Variants in ATP6V1G1 observed in about 807,000 individuals in gnomAD.
ATP6V1G1 encodes the protein V-type proton ATPase subunit G 1.
In ATP6V1G1, 14 loss-of-function variants were observed where a neutral mutation model predicts 14.2. That is an observed-to-expected ratio of 0.99 (90% CI 0.65 to 1.55). The LOEUF (loss-of-function observed/expected upper bound fraction) is 1.55, where lower values mean the gene tolerates loss of function less well. Ranked by LOEUF, ATP6V1G1 falls within the 40% of genes most tolerant of loss-of-function variation. The pLI, the probability that ATP6V1G1 is intolerant of heterozygous loss-of-function variation, is 0.00. For synonymous variants in ATP6V1G1, 65 were observed against 53.3 expected, an observed-to-expected ratio of 1.22 and a Z score of -0.96; for missense variants, 137 against 146.4, an observed-to-expected ratio of 0.94 and a Z score of 0.33.
intron 2 of ATP6V1G1, among the ~76,000 whole-genome samples, chr9:114,597,059 T>G (rs1030004400): frequency 6.7e-6 from 1 of 149,512 alleles, no homozygotes; most frequent in African/African-American, 2.5e-5. Flanking sequence ...GGCGCGATCT[T>G]GGCTCACTGC....
Position 114,597,825 on chromosome 9 carries a change from T to G in ATP6V1G1, c.*82T>G. ...GCTTAGCACAGCTCTAGTTACATTC[T>G]TATGATATGGCATTAAATTATTTCC... is the stretch of plus-strand genomic sequence containing the variant. On this transcript the variant is annotated 3_prime_UTR_variant, in exon 3 of 3. Coordinates refer to ENST00000374050, the MANE Select transcript of ATP6V1G1 (RefSeq NM_004888.4). 8.0e-7 allele frequency: 1 copy of G among 1,247,072 alleles called. No homozygotes were observed. The highest frequency in any genetic ancestry group is 1.0e-6 in the Non-Finnish European group (1 of 959,400). 77.3% of individuals were successfully genotyped at this position (1,247,072 alleles called of 1,614,324 possible).
chr9:114,594,219 G>A (rs1266284046), intron 2 of ATP6V1G1, among the ~76,000 whole-genome samples: 4 of 151,872 alleles, frequency 2.6e-5, no homozygotes, highest in Middle Eastern at 3.2e-3. Flanking sequence ...GCAGGCATGC[G>A]CCACCACATC....
intron 1 of ATP6V1G1, among the ~76,000 whole-genome samples, chr9:114,588,910 A>ATT (rs1163772366): frequency 6.6e-6 from 1 of 152,168 alleles, no homozygotes; most frequent in Non-Finnish European, 1.5e-5. Flanking sequence ...GAAAGCTCAA[A>ATT]TTCCTTAATG....
At chr9:114,588,258 C>T (rs1023463996) in intron 1 of ATP6V1G1, 2 of 280,316 alleles carry the variant, frequency 7.1e-6, no homozygotes, top group African/African-American at 2.2e-5. Flanking sequence ...GTGAAGGGAG[C>T]CAGCATCCAC....
rs1394190960 is a variant in ATP6V1G1 at position 114,598,435 on chromosome 9, T to A, written c.*692T>A. On this transcript the variant is annotated 3_prime_UTR_variant, in exon 3 of 3. Coordinates refer to ENST00000374050, the MANE Select transcript of ATP6V1G1 (RefSeq NM_004888.4). The stretch of plus-strand genomic sequence containing the variant: ...ACAACCAGTGGTTCTTCATTTTTGA[T>A]CATGCGAAATGCATTTTGACCCAGA... The A allele has an allele frequency of 4.6e-5, 7 of 152,726 alleles. No homozygotes were observed. The East Asian group carries it at 1.2e-3, about 25-fold the overall frequency. 9.5% of individuals were successfully genotyped at this position (152,726 alleles called of 1,614,324 possible). A position where few individuals can be genotyped will look rare whatever the true frequency, so the allele number is the denominator to read the frequency against.
At chr9:114,591,154 A>G (rs1307564105) in intron 1 of ATP6V1G1, among the ~76,000 whole-genome samples, 1 of 152,256 alleles carries the variant, frequency 6.6e-6, no homozygotes, top group East Asian at 1.9e-4. Flanking sequence ...GTGAAACAAA[A>G]CACTGGCTCC....
In ATP6V1G1 at chr9:114,598,052, GT is replaced by G. The variant is rs974984464; in HGVS notation, c.*312del. The G allele has an allele frequency of 2.5e-4, 33 of 131,678 alleles. No homozygotes were observed. The highest frequency in any genetic ancestry group is 1.7e-3 in the South Asian group (6 of 3,634). The allele number at this position is 131,678 out of a possible 1,614,324, so 8.2% of individuals were successfully genotyped here. On this transcript the variant is annotated 3_prime_UTR_variant, in exon 3 of 3. Coordinates refer to ENST00000374050, the MANE Select transcript of ATP6V1G1 (RefSeq NM_004888.4). ...GTTGACTTTTTCTTTCTTAGATCTA[GT>G]TTAAAAAAAAAAAAAACCACATAAC...
chr9:114,588,012 C>T (rs1229925145), intron 1 of ATP6V1G1, 92 bp downstream of exon 1: 5 of 1,343,920 alleles, frequency 3.7e-6, no homozygotes, highest in Middle Eastern at 2.2e-4. Flanking sequence ...CGAAAAACTG[C>T]GGGGTGCGGG....
chr9:114,588,510 A>AGTGTGTGTGTGTGT lies in ATP6V1G1; in HGVS notation c.82+607_82+620dup, dbSNP rs66783144. 3.0e-4 allele frequency among the ~76,000 whole-genome samples: 44 copies of AGTGTGTGTGTGTGT among 147,196 alleles called. No individual in the cohort carries two copies. In the East Asian group the frequency reaches 3.6e-3, roughly 12 times the overall value. ...TGTGTTTCTAACATGTGGCAAGCGC[A>AGTGTGTGTGTGTGT]GTGTGTGTGTGTGTGTGTGTGTGTG... On this transcript the variant is annotated intron_variant, in intron 1 of 2. Coordinates refer to ENST00000374050, the MANE Select transcript of ATP6V1G1 (RefSeq NM_004888.4).
chr9:114,591,023 T>C (rs1025014396), intron 1 of ATP6V1G1, among the ~76,000 whole-genome samples: 3 of 151,924 alleles, frequency 2.0e-5, no homozygotes, highest in African/African-American at 7.3e-5. Flanking sequence ...CTCGAACTCC[T>C]GACCTTGTGA....
chr9:114,597,926 C>G lies in ATP6V1G1; in HGVS notation c.*183C>G. On this transcript the variant is annotated 3_prime_UTR_variant, in exon 3 of 3. Coordinates refer to ENST00000374050, the MANE Select transcript of ATP6V1G1 (RefSeq NM_004888.4). ...TTTTTTGTACAGACTTAGAAATTATCTAAAGATTTCATCTTTTTACCTCAT... is the reference window on the plus strand; with the variant it reads ...TTTTTTGTACAGACTTAGAAATTATGTAAAGATTTCATCTTTTTACCTCAT... 2.2e-6 allele frequency: 1 copy of G among 448,286 alleles called. No individual in the cohort carries two copies. Among genetic ancestry groups the G allele is most frequent in the Non-Finnish European group, 3.6e-6 (1 of 279,100 alleles). The allele number at this position is 448,286 out of a possible 1,614,324, so 27.8% of individuals were successfully genotyped here. A position where few individuals can be genotyped will look rare whatever the true frequency, so the allele number is the denominator to read the frequency against.
intron 2 of ATP6V1G1, among the ~76,000 whole-genome samples, chr9:114,595,747 C>T (rs1442433389): frequency 1.3e-5 from 2 of 151,998 alleles, no homozygotes; most frequent in African/African-American, 4.8e-5. Context: ...AGTCTGAGGC[C>T]ATCCTGGGCA....
intron 2 of ATP6V1G1, among the ~76,000 whole-genome samples, chr9:114,596,273 A>G (rs1589314155): frequency 6.6e-6 from 1 of 151,940 alleles, no homozygotes; most frequent in African/African-American, 2.4e-5. Flanking sequence ...CTGTAGTCCC[A>G]GCTACTCAGG....
At position 114,597,718 on chromosome 9, in the gene ATP6V1G1, A is replaced by G. The variant is rs1370870312; in HGVS notation, c.332A>G (p.His111Arg). Reference sequence around the variant, plus strand: ...GTCTGTGACATTCGGCCAGAAATCCATGAAAACTACCGCATAAATGGATAG... The same window carrying G: ...GTCTGTGACATTCGGCCAGAAATCCGTGAAAACTACCGCATAAATGGATAG... ...AFVCDIRPEI[H>R]ENYRING The change falls in exon 3 of 3, where the codon CAT (histidine) becomes CGT (arginine). Residue 111 changes from histidine to arginine, a missense_variant. His to Arg is a conservative substitution (Grantham distance 29). Transcript: ENST00000374050. 6.3e-7 allele frequency: 1 copy of G among 1,587,502 alleles called. No individual in the cohort carries two copies. Among genetic ancestry groups the G allele is most frequent in the South Asian group, 1.2e-5 (1 of 86,624 alleles).
At position 114,597,118 on chromosome 9, in the gene ATP6V1G1, G is replaced by A. The variant is rs561455077; in HGVS notation, c.184-452G>A. ...CCATTCTCCTGCCTCAGCCTCCCGA[G>A]TAGCTGGGACTACAGGCGCCCGCTA... On this transcript the variant is annotated intron_variant, in intron 2 of 2. Transcript: ENST00000374050. Among the ~76,000 whole-genome samples the A allele has an allele frequency of 2.6e-3, 387 of 150,636 alleles. 2 individuals carry two copies. Among genetic ancestry groups the A allele is most frequent in the African/African-American group, 8.7e-3 (357 of 40,994 alleles).
intron 1 of ATP6V1G1, 83 bp from the exon 2 acceptor site, chr9:114,592,469 T>A: frequency 7.6e-7 from 1 of 1,313,778 alleles, no homozygotes; most frequent in South Asian, 1.4e-5. Context: ...ATTCTTGGCT[T>A]ATTGTTATAA....
At chr9:114,596,983 ATTCT>A (rs1845244677) in intron 2 of ATP6V1G1, among the ~76,000 whole-genome samples, 2 of 128,624 alleles carry the variant, frequency 1.6e-5, no homozygotes, top group South Asian at 5.7e-4. Context: ...TATATAGCAG[ATTCT>A]TTTTTTTTTT....
chr9:114,592,276 A>G (rs2133558245), intron 1 of ATP6V1G1, among the ~76,000 whole-genome samples: 1 of 152,272 alleles, frequency 6.6e-6, no homozygotes, highest in South Asian at 2.1e-4. Flanking sequence ...GATTGAGAGA[A>G]TATTCTGACA....
chr9:114,592,893 C>T (rs1845196797), intron 2 of ATP6V1G1, among the ~76,000 whole-genome samples: 1 of 152,162 alleles, frequency 6.6e-6, no homozygotes, highest in African/African-American at 2.4e-5. Flanking sequence ...TAACATGCGC[C>T]AGGTACTGTG....
Sources: allele counts gnomAD v4.1 joint callset (sites outside exome capture counted in the v4.1 genomes callset), GRCh38; gene constraint gnomAD v4.1.1; transcripts MANE v1.5; gene names NCBI Gene and HGNC (gene_info 2026-07-23, HGNC 2026-07-21).